Variants in MST1R observed in about 807,000 individuals in gnomAD.
MST1R encodes macrophage stimulating 1 receptor, also known as macrophage-stimulating protein receptor.
In MST1R, 99 loss-of-function variants were observed where a neutral mutation model predicts 117.8. That is an observed-to-expected ratio of 0.84 (90% confidence interval 0.71 to 0.99). The LOEUF (loss-of-function observed/expected upper bound fraction) is 0.99, where lower values mean the gene tolerates loss of function less well. Ranked by LOEUF, MST1R falls within the 50% of genes least tolerant of loss-of-function variation. The pLI is 0.00. For synonymous variants in MST1R, 734 were observed against 765.3 expected (o/e 0.96, Z 0.68); for missense variants, 1,683 against 1,840.2 (o/e 0.91, Z 1.56).
chr3:49,890,776 A>C, intron 17 of MST1R, 126 bp from the exon 18 acceptor site: 1 of 918,798 alleles, frequency 1.1e-6, no homozygotes, highest in Non-Finnish European at 1.6e-6. Flanking sequence ...CCCAGGCTGG[A>C]GTGCAGTGGC....
rs148051512 is a variant in MST1R, at chr3:49,889,963, C to T, written c.3908G>A (p.Gly1303Asp). Residue 1303 changes from glycine to aspartate, a missense_variant, in exon 19 of 20, where the codon GGT becomes GAT. Transcript: ENST00000296474. ...PFDLTHFLAQ[G>D]RRLPQPEYCP... ...ATACTCAGGCTGGGGCAGGCGCCGA[C>T]CCTGGGCCAGGAAGTGGGTAAGGTC... 47 of 1,614,016 alleles carry T rather than the reference C, an allele frequency of 2.9e-5. No homozygotes were observed. The African/African-American group carries it at 4.8e-4, about 17-fold the overall frequency.
At chr3:49,890,908 A>G (rs2082295210) in intron 17 of MST1R, among the ~76,000 whole-genome samples, 1 of 152,074 alleles carries the variant, frequency 6.6e-6, no homozygotes, top group African/African-American at 2.4e-5. Context: ...TTGTATTTTT[A>G]GTAGAGACGG....
At chr3:49,887,871 T>C (rs1384117844) in intron 19 of MST1R, among the ~76,000 whole-genome samples, 1 of 152,234 alleles carries the variant, frequency 6.6e-6, no homozygotes, top group Non-Finnish European at 1.5e-5. Context: ...CCTCCTCTGA[T>C]CACAGAGAAG....
chr3:49,891,291 C>T lies in MST1R; in HGVS notation c.3550G>A (p.Asp1184Asn). 1 of 1,614,182 alleles carries T rather than the reference C, an allele frequency of 6.2e-7. No homozygotes were observed. Among genetic ancestry groups the T allele is most frequent in the Non-Finnish European group, 8.5e-7 (1 of 1,180,040 alleles). Residue 1184 changes from aspartate to asparagine, a missense_variant, in exon 17 of 20, where the codon GAC becomes AAC. Physicochemically the swap from Asp to Asn is conservative, Grantham distance 23. Coordinates refer to ENST00000296474, the MANE Select transcript of MST1R (RefSeq NM_002447.4). ...RSPQRNPTVK[D>N]LISFGLQVAR... ...ACCTGCAGGCCAAAGCTGATGAGGTCCTTCACGGTGGGGTTCTGGGGGCAC... is the reference window on the plus strand; with the variant it reads ...ACCTGCAGGCCAAAGCTGATGAGGTTCTTCACGGTGGGGTTCTGGGGGCAC...
Position 49,903,792 on chromosome 3 carries a change from G to T in MST1R, c.-183C>A. On this transcript the variant is annotated 5_prime_UTR_variant, in exon 1 of 20. Transcript: ENST00000296474. The stretch of plus-strand genomic sequence containing the variant: ...AACCCAAATCCCTTCCCGGCCCTCG[G>T]GTCTGAGCACCTGACGCCTGCGGAC... 1 of 803,210 alleles carries T rather than the reference G, an allele frequency of 1.2e-6. No individual in the cohort carries two copies. The highest frequency in any genetic ancestry group is 1.9e-6 in the Non-Finnish European group (1 of 532,086). 49.8% of individuals were successfully genotyped at this position (803,210 alleles called of 1,614,324 possible).
In MST1R at chr3:49,887,192, T is replaced by C; in HGVS notation, c.*115A>G. ...ATGGGCCCCATTTACCTATTGCCTC[T>C]GAAAGTTAAAGGGCAGGAACAAGGT... On this transcript the variant is annotated 3_prime_UTR_variant, in exon 20 of 20. Coordinates refer to ENST00000296474, the MANE Select transcript of MST1R (RefSeq NM_002447.4). 7.6e-6 allele frequency: 11 copies of C among 1,456,074 alleles called. No homozygotes were observed. Among genetic ancestry groups the C allele is most frequent in the Non-Finnish European group, 1.0e-5 (11 of 1,071,714 alleles). 90.2% of individuals were successfully genotyped at this position (1,456,074 alleles called of 1,614,324 possible). A position where few individuals can be genotyped will look rare whatever the true frequency, so the allele number is the denominator to read the frequency against.
chr3:49,897,575 G>A lies in MST1R; in HGVS notation c.1991C>T (p.Pro664Leu), dbSNP rs535567428. 1.3e-4 allele frequency: 207 copies of A among 1,614,114 alleles called. No homozygotes were observed. Among genetic ancestry groups the A allele is most frequent in the African/African-American group, 2.7e-4 (20 of 75,072 alleles). ...GCCGTCTACCCGGAAGTGCTTGCCC[G>A]GTGGCATGTTAGTCACGGTGAGGCT... Reference protein sequence around the residue: ...NVSLTVTNMPPGKHFRVDGTS... With the variant: ...NVSLTVTNMPLGKHFRVDGTS... The change falls in exon 6 of 20, where the codon CCG (proline) becomes CTG (leucine). Residue 664 changes from proline (P) to leucine (L), a missense_variant. Pro to Leu is a moderately conservative substitution (Grantham distance 98). Transcript: ENST00000296474.
At chr3:49,898,264 C>G in intron 4 of MST1R, 53 bp from the exon 5 acceptor site, 1 of 1,602,002 alleles carries the variant, frequency 6.2e-7, no homozygotes, top group Non-Finnish European at 8.5e-7. Flanking sequence ...CTCTCTCAGC[C>G]CCACCTGCTT....
chr3:49,895,436 C>A lies in MST1R; in HGVS notation c.3064+11G>T. 1 of 1,614,150 alleles carries A rather than the reference C, an allele frequency of 6.2e-7. No individual in the cohort carries two copies. Among genetic ancestry groups the A allele is most frequent in the Non-Finnish European group, 8.5e-7 (1 of 1,180,004 alleles). ...GGGTGGCTTTAGCTTCTCATGCCTC[C>A]ACTATCTCACCAAGGCCACTTCTGT... On this transcript the variant is annotated intron_variant, in intron 13 of 19. Coordinates refer to ENST00000296474, the MANE Select transcript of MST1R (RefSeq NM_002447.4).
chr3:49,898,421 C>T (rs2082555158), intron 4 of MST1R, 97 bp downstream of exon 4: 1 of 1,499,424 alleles, frequency 6.7e-7, no homozygotes, highest in African/African-American at 1.4e-5. Flanking sequence ...GAAGGACACC[C>T]CCCAGACCTG....
At chr3:49,890,947 C>T (rs1250161452) in intron 17 of MST1R, among the ~76,000 whole-genome samples, 4 of 152,160 alleles carry the variant, frequency 2.6e-5, no homozygotes, top group Non-Finnish European at 5.9e-5. Context: ...AGGATGGTCT[C>T]GATCTCCTGA....
At position 49,896,385 on chromosome 3, in the gene MST1R, TC is replaced by T; in HGVS notation, c.2458del (p.Glu820SerfsTer23). 1 of 1,613,510 alleles carries T rather than the reference TC, an allele frequency of 6.2e-7. No individual in the cohort carries two copies. The highest frequency in any genetic ancestry group is 8.5e-7 in the Non-Finnish European group (1 of 1,179,826). On this transcript the variant is annotated frameshift_variant, in exon 10 of 20. Transcript: ENST00000296474. LOFTEE classifies it high-confidence loss of function. ...VESRCERQLP[E>X]QQLCRLPEYV... is the part of the protein sequence containing the mutation. ...TTCAGGAAGGCGGCACAGCTGCTGC[TC>T]TGGAAGCTGCCTCTCACACTGCTGG...
chr3:49,890,778 T>C (rs1306284920), intron 17 of MST1R, 128 bp from the exon 18 acceptor site: 2 of 896,822 alleles, frequency 2.2e-6, no homozygotes, highest in Non-Finnish European at 3.3e-6. Flanking sequence ...CAGGCTGGAG[T>C]GCAGTGGCGC....
chr3:49,897,990 TG>T, intron 5 of MST1R, 60 bp downstream of exon 5: 1 of 1,606,534 alleles, frequency 6.2e-7, no homozygotes, highest in Non-Finnish European at 8.5e-7. Context: ...CAGGGTCTCA[TG>T]GGGAAGGGGC....
chr3:49,898,319 C>G, intron 4 of MST1R, 108 bp from the exon 5 acceptor site: 1 of 1,481,230 alleles, frequency 6.8e-7, no homozygotes, highest in Non-Finnish European at 9.3e-7. Flanking sequence ...CACGCTCCAG[C>G]CATTTGGAGT....
At chr3:49,888,525 C>T (rs1306221163) in intron 19 of MST1R, among the ~76,000 whole-genome samples, 1 of 151,750 alleles carries the variant, frequency 6.6e-6, no homozygotes, top group Non-Finnish European at 1.5e-5. Flanking sequence ...TCACTTGAAC[C>T]TGGGAGGCAG....
At position 49,891,252 on chromosome 3, in the gene MST1R, C is replaced by A; in HGVS notation, c.3589G>T (p.Glu1197Ter). 1 of 1,614,144 alleles carries A rather than the reference C, an allele frequency of 6.2e-7. No homozygotes were observed. Among genetic ancestry groups the A allele is most frequent in the Non-Finnish European group, 8.5e-7 (1 of 1,180,044 alleles). ...SFGLQVARGM[E>*]YLAEQKFVHR... ...ACAAACTTCTGCTCTGCCAGGTACTCCATGCCGCGGGCTACCTGCAGGCCA... is the reference window on the plus strand; with the variant it reads ...ACAAACTTCTGCTCTGCCAGGTACTACATGCCGCGGGCTACCTGCAGGCCA... The change falls in exon 17 of 20, where the codon GAG becomes TAG. Residue 1197 changes from glutamate (E) to a stop codon, truncating the protein, a stop_gained. Coordinates refer to ENST00000296474, the MANE Select transcript of MST1R (RefSeq NM_002447.4). LOFTEE classifies it high-confidence loss of function.
intron 1 of MST1R, among the ~76,000 whole-genome samples, chr3:49,900,182 C>G (rs1247873028): frequency 1.3e-5 from 2 of 152,206 alleles, no homozygotes; most frequent in East Asian, 3.9e-4. Context: ...TCCTATACCC[C>G]CCTTCAGGGT....
intron 17 of MST1R, among the ~76,000 whole-genome samples, 178 bp downstream of exon 17, chr3:49,891,019 C>T (rs1450023410): frequency 2.6e-5 from 4 of 152,222 alleles, no homozygotes; most frequent in African/African-American, 7.2e-5. Flanking sequence ...AGCCACCGCG[C>T]CTGGCCAAAT....
Sources: allele counts gnomAD v4.1 joint callset (sites outside exome capture counted in the v4.1 genomes callset), GRCh38; gene constraint gnomAD v4.1.1; transcripts MANE v1.5; gene names NCBI Gene and HGNC (gene_info 2026-07-23, HGNC 2026-07-21).